KLB: variants seen among roughly 807,000 people sequenced by gnomAD.
KLB encodes klotho beta, also known as beta-klotho.
A neutral mutation model predicts 88.4 loss-of-function variants in KLB; 44 were observed. That is an observed-to-expected ratio of 0.50 (90% CI 0.39 to 0.64). The LOEUF is 0.64. Among genes scored for constraint, KLB ranks in the 30% least tolerant of loss-of-function variants. The probability of loss-of-function intolerance (pLI) is 0.00; values close to 1 mark genes in which losing one functional copy is unlikely to be tolerated. For synonymous variants in KLB, 548 were observed against 513.4 expected, an observed-to-expected ratio of 1.07 and a Z score of -0.91; for missense variants, 1,137 against 1,304.8, an observed-to-expected ratio of 0.87 and a Z score of 1.98.
chr4:39,411,337 ATTTTTTTTTTT>A (rs35160893), intron 1 of KLB, among the ~76,000 whole-genome samples: 1 of 103,296 alleles, frequency 9.7e-6, no homozygotes, highest in Non-Finnish European at 1.8e-5. Flanking sequence ...TTTTGTTTTG[ATTTTTTTTTTT>A]TTTTTTTTTG....
At chr4:39,433,501 C>T (rs930677551) in intron 1 of KLB, among the ~76,000 whole-genome samples, 1 of 152,178 alleles carries the variant, frequency 6.6e-6, no homozygotes, top group Non-Finnish European at 1.5e-5. Flanking sequence ...TTATAGGATT[C>T]AGGGCCTGTG....
chr4:39,434,060 C>T, intron 1 of KLB, 150 bp from the exon 2 acceptor site: 2 of 700,206 alleles, frequency 2.9e-6, no homozygotes, highest in Non-Finnish European at 2.4e-6. Flanking sequence ...GCATAGAGAA[C>T]AGACTTTGAG....
At chr4:39,444,111 C>A (rs1267152019) in intron 3 of KLB, among the ~76,000 whole-genome samples, 3 of 152,086 alleles carry the variant, frequency 2.0e-5, no homozygotes, top group Non-Finnish European at 4.4e-5. Flanking sequence ...GAGCCAAGAT[C>A]GCGCCATTGC....
intron 2 of KLB, among the ~76,000 whole-genome samples, chr4:39,435,365 G>A (rs931176781): frequency 5.3e-5 from 8 of 151,882 alleles, no homozygotes; most frequent in African/African-American, 2.4e-5. Context: ...TGATCCACTC[G>A]CCTCGGCCTC....
At chr4:39,408,787 C>T (rs1163686953) in intron 1 of KLB, among the ~76,000 whole-genome samples, 14 of 151,686 alleles carry the variant, frequency 9.2e-5, no homozygotes, top group South Asian at 2.1e-4. Context: ...TATCTAGAAT[C>T]GAATTTAACT....
intron 3 of KLB, among the ~76,000 whole-genome samples, chr4:39,445,786 T>G (rs1743730975): frequency 6.6e-6 from 1 of 151,288 alleles, no homozygotes; most frequent in African/African-American, 2.4e-5. Flanking sequence ...CCTCCCAAAG[T>G]GCTAGGATTA....
rs1743891650 is a variant in KLB, at chr4:39,451,260, C to A, written c.*2574C>A. 1 of 152,184 alleles carries A rather than the reference C, an allele frequency of 6.6e-6. No homozygotes were observed. Among genetic ancestry groups the A allele is most frequent in the Non-Finnish European group, 1.5e-5 (1 of 68,034 alleles). 9.4% of individuals were successfully genotyped at this position (152,184 alleles called of 1,614,324 possible). A position where few individuals can be genotyped will look rare whatever the true frequency, so the allele number is the denominator to read the frequency against. On this transcript the variant is annotated 3_prime_UTR_variant, in exon 5 of 5. Transcript: ENST00000257408. ...TATCATACTAAATATTCAGGTTTAT[C>A]ATAAACTCCTTAAAAACCATCAAAG...
At chr4:39,426,217 T>C (rs1275339868) in intron 1 of KLB, among the ~76,000 whole-genome samples, 1 of 137,216 alleles carries the variant, frequency 7.3e-6, no homozygotes, top group Non-Finnish European at 1.5e-5. Flanking sequence ...GTGACACTGG[T>C]CTCCAGCCTA....
At chr4:39,411,545 A>C (rs1467373091) in intron 1 of KLB, among the ~76,000 whole-genome samples, 2 of 148,274 alleles carry the variant, frequency 1.3e-5, no homozygotes, top group Non-Finnish European at 3.0e-5. Flanking sequence ...TTTAAGACAG[A>C]GTCTCACTCT....
At chr4:39,448,151 A>G in intron 4 of KLB, 150 bp from the exon 5 acceptor site, 1 of 594,650 alleles carries the variant, frequency 1.7e-6, no homozygotes, top group Middle Eastern at 4.5e-4. Context: ...CATAGATCAT[A>G]AAAGAATAAA....
rs939110671 is a variant in KLB at position 39,450,263 on chromosome 4, C to T, written c.*1577C>T. The T allele has an allele frequency of 1.3e-5, 2 of 152,164 alleles. No individual in the cohort carries two copies. Among genetic ancestry groups the T allele is most frequent in the African/African-American group, 4.8e-5 (2 of 41,436 alleles). 9.4% of individuals were successfully genotyped at this position (152,164 alleles called of 1,614,324 possible). A position where few individuals can be genotyped will look rare whatever the true frequency, so the allele number is the denominator to read the frequency against. On this transcript the variant is annotated 3_prime_UTR_variant, in exon 5 of 5. Transcript: ENST00000257408. ...TCTTTCTTTAGGTCAACATTTAACA[C>T]CCACTGCATACATTAATTTGTCCTT...
At chr4:39,432,823 C>T (rs1420160008) in intron 1 of KLB, among the ~76,000 whole-genome samples, 2 of 151,974 alleles carry the variant, frequency 1.3e-5, no homozygotes, top group Non-Finnish European at 2.9e-5. Context: ...GTGCTCTATT[C>T]TGTGCTACAT....
chr4:39,422,324 A>G (rs1743107081), intron 1 of KLB, among the ~76,000 whole-genome samples: 1 of 152,140 alleles, frequency 6.6e-6, no homozygotes, highest in East Asian at 1.9e-4. Flanking sequence ...TTCTTCATCT[A>G]TAATAGAAAC....
intron 1 of KLB, among the ~76,000 whole-genome samples, chr4:39,431,442 G>A (rs1743360146): frequency 1.3e-5 from 2 of 151,944 alleles, no homozygotes; most frequent in African/African-American, 4.8e-5. Context: ...GTAGAGATGG[G>A]GTTTCTCCAT....
At chr4:39,410,720 G>T (rs567504979) in intron 1 of KLB, among the ~76,000 whole-genome samples, 3 of 152,116 alleles carry the variant, frequency 2.0e-5, no homozygotes, top group African/African-American at 7.2e-5. Context: ...TTTTTAGACC[G>T]AAAACATTTA....
At position 39,434,525 on chromosome 4, in the gene KLB, C is replaced by G; in HGVS notation, c.1141C>G (p.Pro381Ala). Residue 381 changes from proline to alanine, a missense_variant, in exon 2 of 5, where the codon CCC becomes GCC. Coordinates refer to ENST00000257408, the MANE Select transcript of KLB (RefSeq NM_175737.4). ...TTCTTTTGGACCCAACAACTTCAAGCCCCTAAACACCATGGCTAAAATGGG... is the reference window on the plus strand; with the variant it reads ...TTCTTTTGGACCCAACAACTTCAAGGCCCTAAACACCATGGCTAAAATGGG... The part of the protein sequence containing the change: ...AFSFGPNNFK[P>A]LNTMAKMGQN... The G allele has an allele frequency of 6.2e-7, 1 of 1,614,100 alleles. No homozygotes were observed. The highest frequency in any genetic ancestry group is 8.5e-7 in the Non-Finnish European group (1 of 1,179,994).
intron 1 of KLB, among the ~76,000 whole-genome samples, chr4:39,429,540 G>C (rs1448181605): frequency 2.0e-5 from 3 of 152,144 alleles, no homozygotes; most frequent in East Asian, 3.8e-4. Context: ...GGCTCCAAAA[G>C]AAAAAGAAGC....
chr4:39,448,619 G>A lies in KLB; in HGVS notation c.3068G>A (p.Arg1023Lys), dbSNP rs749401400. Reference sequence around the variant, plus strand: ...GCCATTTTTCAAAGGCAGAAGAGAAGAAAGTTTTGGAAAGCAAAAAACTTA... The same window carrying A: ...GCCATTTTTCAAAGGCAGAAGAGAAAAAAGTTTTGGAAAGCAAAAAACTTA... The part of the protein sequence containing the change: ...SIAIFQRQKR[R>K]KFWKAKNLQH... The change falls in exon 5 of 5, where the codon AGA (arginine) becomes AAA (lysine). Residue 1023 changes from arginine to lysine, a missense_variant. By Grantham distance (26) the Arg-to-Lys change is conservative. Around this residue, in one of 4 missense-constraint regions of KLB, gnomAD observed 426 missense variants for 404.6 expected, o/e 1.05. Coordinates refer to ENST00000257408, the MANE Select transcript of KLB (RefSeq NM_175737.4). 5.0e-6 allele frequency: 8 copies of A among 1,613,608 alleles called. No individual in the cohort carries two copies. The highest frequency in any genetic ancestry group is 1.1e-5 in the South Asian group (1 of 90,928).
At position 39,446,630 on chromosome 4, in the gene KLB, T is replaced by C. The variant is rs745667161; in HGVS notation, c.1904T>C (p.Ile635Thr). ...GTCAGTGAGGGGCTGAAGCTTGGCA[T>C]CTCCGCGATGGTCACCCTGTATTAT... ...CVVSEGLKLG[I>T]SAMVTLYYPT... Residue 635 changes from isoleucine (I) to threonine (T), a missense_variant, in exon 4 of 5, where the codon ATC becomes ACC. Coordinates refer to ENST00000257408, the MANE Select transcript of KLB (RefSeq NM_175737.4). This position sits in a 1 kb window ranked among gnomAD's most constrained non-coding sequence, Gnocchi z 6.4. The C allele has an allele frequency of 1.2e-6, 2 of 1,613,624 alleles. No homozygotes were observed. The highest frequency in any genetic ancestry group is 1.7e-6 in the Non-Finnish European group (2 of 1,179,752).
Sources: gnomAD v4.1 joint callset for allele counts (sites outside exome capture counted in the v4.1 genomes callset) on GRCh38, gnomAD v4.1.1 for gene constraint, gnomAD v4.1.1 regional missense constraint, Gnocchi (gnomAD v3.1) non-coding constraint, MANE v1.5 for transcripts, NCBI Gene and HGNC (gene_info 2026-07-23, HGNC 2026-07-21) for gene names.